The following BHMT2 variants were observed in gnomAD, a reference collection of about 807,000 sequenced individuals.
BHMT2 encodes S-methylmethionine--homocysteine S-methyltransferase BHMT2.
BHMT2 carries 28 observed loss-of-function variants against 39.0 expected under a neutral mutation model. The observed-to-expected ratio is 0.72, with a 90% CI of 0.53 to 0.98. The LOEUF (loss-of-function observed/expected upper bound fraction) is 0.98, where lower values mean the gene tolerates loss of function less well. BHMT2 is among the 50% of genes least tolerant of loss of function. The probability of loss-of-function intolerance (pLI) is 0.00; values close to 1 mark genes in which losing one functional copy is unlikely to be tolerated. For missense variants in BHMT2, 410 were observed against 455.6 expected (o/e 0.90, Z 0.91); for synonymous variants, 145 against 160.6 (o/e 0.90, Z 0.74).
intron 3 of BHMT2, among the ~76,000 whole-genome samples, chr5:79,080,325 C>T (rs189055354): frequency 3.3e-5 from 5 of 152,282 alleles, no homozygotes; most frequent in East Asian, 1.9e-4. Flanking sequence ...AATGTTAATA[C>T]GTGTAAATGT....
At chr5:79,081,335 C>G (rs1415446319) in intron 4 of BHMT2, among the ~76,000 whole-genome samples, 1 of 152,204 alleles carries the variant, frequency 6.6e-6, no homozygotes, top group Non-Finnish European at 1.5e-5. Flanking sequence ...GTTTCCATAG[C>G]CTTCTCCATC....
rs746316186 is a variant in BHMT2, at chr5:79,083,303, T to C, written c.710T>C (p.Val237Ala). 6.2e-7 allele frequency: 1 copy of C among 1,613,702 alleles called. No homozygotes were observed. The highest frequency in any genetic ancestry group is 1.1e-5 in the South Asian group (1 of 91,010). The change falls in exon 6 of 8, where the codon GTG becomes GCG. Residue 237 changes from valine (V) to alanine (A), a missense_variant. Physicochemically the swap from Val to Ala is moderately conservative, Grantham distance 64. Coordinates refer to ENST00000255192, the MANE Select transcript of BHMT2 (RefSeq NM_017614.5). ...GCAGGGCTGAAAGCGCACCTCATGGTGCAGCCTCTGGGGTTCCACGCGCCT... is the reference window on the plus strand; with the variant it reads ...GCAGGGCTGAAAGCGCACCTCATGGCGCAGCCTCTGGGGTTCCACGCGCCT... ...EWAGLKAHLM[V>A]QPLGFHAPDC...
chr5:79,077,642 C>A, intron 2 of BHMT2, 30 bp downstream of exon 2: 1 of 1,586,776 alleles, frequency 6.3e-7, no homozygotes, highest in Non-Finnish European at 8.6e-7. Flanking sequence ...AGAGTGTCTA[C>A]CTGAGTGGTA....
intron 7 of BHMT2, 34 bp from the exon 8 acceptor site, chr5:79,088,459 T>C (rs1755948975): frequency 6.4e-7 from 1 of 1,567,382 alleles, no homozygotes; most frequent in African/African-American, 1.4e-5. Context: ...GGTAAGACTT[T>C]TAATTAATTA....
At chr5:79,071,822 TAAAA>T (rs60114073) in intron 1 of BHMT2, among the ~76,000 whole-genome samples, 42 of 103,514 alleles carry the variant, frequency 4.1e-4, no homozygotes, top group Admixed American at 2.2e-3. Flanking sequence ...AACTTAAAAG[TAAAA>T]AAAAAAAAAA....
rs1470159578 is a variant in BHMT2 at position 79,089,590 on chromosome 5, T to G, written c.*1016T>G. 2 of 152,236 alleles carry G rather than the reference T, an allele frequency of 1.3e-5. No homozygotes were observed. The highest frequency in any genetic ancestry group is 2.9e-5 in the Non-Finnish European group (2 of 68,034). 9.4% of individuals were successfully genotyped at this position (152,236 alleles called of 1,614,324 possible). On this transcript the variant is annotated 3_prime_UTR_variant, in exon 8 of 8. Transcript: ENST00000255192. Reference sequence around the variant, plus strand: ...TTCTCATAATTCCCCTTACTTAGCATTGTGTTAGACATACTAATAGGTGCA... The same window carrying G: ...TTCTCATAATTCCCCTTACTTAGCAGTGTGTTAGACATACTAATAGGTGCA...
In BHMT2 at chr5:79,083,355, T is replaced by C; in HGVS notation, c.762T>C (p.Asp254=). The C allele has an allele frequency of 3.1e-6, 5 of 1,601,462 alleles. No homozygotes were observed. The highest frequency in any genetic ancestry group is 4.3e-6 in the Non-Finnish European group (5 of 1,172,922). ...ACTGTGGCAAAGAGGGGTTTGTGGA[T>C]CTCCCAGAATATCCCTTTGGTAAGC... ...APDCGKEGFV[D]LPEYPFGLES... is the part of the protein sequence containing the mutation. The change falls in exon 6 of 8, where the codon GAT becomes GAC. Residue 254 remains aspartate (D), a synonymous_variant. Transcript: ENST00000255192.
intron 2 of BHMT2, among the ~76,000 whole-genome samples, chr5:79,078,576 T>C (rs924684437): frequency 6.6e-6 from 1 of 152,214 alleles, no homozygotes; most frequent in Non-Finnish European, 1.5e-5. Flanking sequence ...AGGATCCATA[T>C]CTTAATCTGT....
At chr5:79,082,657 C>T in intron 4 of BHMT2, 152 bp from the exon 5 acceptor site, 1 of 770,324 alleles carries the variant, frequency 1.3e-6, no homozygotes, top group African/African-American at 1.8e-5. Context: ...ATTCTTTAGT[C>T]AGTCTGATAG....
rs1422524481 is a variant in BHMT2, at chr5:79,089,467, G to T, written c.*893G>T. The T allele has an allele frequency of 4.1e-5, 6 of 145,676 alleles. No homozygotes were observed. Among genetic ancestry groups the T allele is most frequent in the African/African-American group, 1.3e-4 (5 of 37,782 alleles). The allele number at this position is 145,676 out of a possible 1,614,324, so 9.0% of individuals were successfully genotyped here. ...CTCCATCTCAAAAAAAAAAAAAAAA[G>T]ATATTAGGTCCTAGAATTTTTAAAA... is the stretch of plus-strand genomic sequence containing the variant. On this transcript the variant is annotated 3_prime_UTR_variant, in exon 8 of 8. Coordinates refer to ENST00000255192, the MANE Select transcript of BHMT2 (RefSeq NM_017614.5).
chr5:79,079,268 G>A, intron 2 of BHMT2, 101 bp from the exon 3 acceptor site: 2 of 785,100 alleles, frequency 2.5e-6, no homozygotes, highest in Non-Finnish European at 4.2e-6. Context: ...ATGATTGAAA[G>A]AGATGGGAGT....
intron 7 of BHMT2, among the ~76,000 whole-genome samples, chr5:79,084,894 A>G (rs1008379001): frequency 1.6e-4 from 24 of 152,084 alleles, no homozygotes; most frequent in Non-Finnish European, 2.2e-4. Context: ...TATCTTTTTA[A>G]GTTAAAATTA....
In BHMT2 at chr5:79,083,803, C is replaced by T. The variant is rs140286658; in HGVS notation, c.957C>T (p.His319=). ...RGFLPPASEK[H]GSWGSGLDMH... Reference sequence around the variant, plus strand: ...TTTTGCCACCAGCTTCAGAAAAACACGGCAGCTGGGGAAGTGGTTTGGACA... The same window carrying T: ...TTTTGCCACCAGCTTCAGAAAAACATGGCAGCTGGGGAAGTGGTTTGGACA... The change falls in exon 7 of 8, where the codon CAC becomes CAT. Residue 319 remains histidine, a synonymous_variant. Coordinates refer to ENST00000255192, the MANE Select transcript of BHMT2 (RefSeq NM_017614.5). 5.7e-5 allele frequency: 92 copies of T among 1,614,102 alleles called. No homozygotes were observed. The highest frequency in any genetic ancestry group is 2.9e-4 in the African/African-American group (22 of 75,020).
At position 79,080,888 on chromosome 5, in the gene BHMT2, G is replaced by T. The variant is rs1229522622; in HGVS notation, c.450+10G>T. The T allele has an allele frequency of 6.4e-7, 1 of 1,559,822 alleles. No individual in the cohort carries two copies. The highest frequency in any genetic ancestry group is 2.3e-5 in the East Asian group (1 of 42,866). On this transcript the variant is annotated intron_variant, in intron 4 of 7. Coordinates refer to ENST00000255192, the MANE Select transcript of BHMT2 (RefSeq NM_017614.5). ...CTTCTTGATTGCAGAGGTGAGGCTA[G>T]TATTGGAGGAAAAGGATTGAACCTA...
Position 79,088,773 on chromosome 5 carries a change from G to T in BHMT2, c.*199G>T. 2.1e-6 allele frequency: 1 copy of T among 484,672 alleles called. No homozygotes were observed. The highest frequency in any genetic ancestry group is 3.8e-6 in the Non-Finnish European group (1 of 264,512). 30.0% of individuals were successfully genotyped at this position (484,672 alleles called of 1,614,324 possible). ...CCTGCTGTGGTTAAGCACTGCAACA[G>T]ACTCTACCAGAGATGCAAAGAGAAG... On this transcript the variant is annotated 3_prime_UTR_variant, in exon 8 of 8. Coordinates refer to ENST00000255192, the MANE Select transcript of BHMT2 (RefSeq NM_017614.5).
In BHMT2 at chr5:79,083,862, C is replaced by A. The variant is rs765823348; in HGVS notation, c.1010+6C>A. On this transcript the variant is annotated splice_donor_region_variant and intron_variant, in intron 7 of 7. Transcript: ENST00000255192. ...AAACCCTGGATTAGAGCAAGGTAAGCATTTTTAAATTAACATTCTTATTAT... is the reference window on the plus strand; with the variant it reads ...AAACCCTGGATTAGAGCAAGGTAAGAATTTTTAAATTAACATTCTTATTAT... 8 of 1,607,214 alleles carry A rather than the reference C, an allele frequency of 5.0e-6. No homozygotes were observed. The highest frequency in any genetic ancestry group is 5.9e-6 in the Non-Finnish European group (7 of 1,176,538).
chr5:79,082,673 C>T, intron 4 of BHMT2, 136 bp from the exon 5 acceptor site: 2 of 973,370 alleles, frequency 2.1e-6, no homozygotes, highest in South Asian at 1.7e-5. Context: ...GATAGACACA[C>T]ATTCCTTAGC....
At chr5:79,077,429 A>G (rs780638502) in intron 1 of BHMT2, 51 bp from the exon 2 acceptor site, 1 of 327,106 alleles carries the variant, frequency 3.1e-6, no homozygotes, top group Non-Finnish European at 4.5e-6. Flanking sequence ...TGCTTTTAGG[A>G]AAAAAAAAAA....
Position 79,083,905 on chromosome 5 carries a change from T to G in BHMT2, c.1010+49T>G, listed in dbSNP as rs781445075. The G allele has an allele frequency of 1.0e-5, 16 of 1,547,246 alleles. No homozygotes were observed. The African/African-American group carries it at 1.4e-4, about 13-fold the overall frequency. ...CTTATTATTTTCCTTTAATCTCATT[T>G]TATTTATTGTTGTAAATGTCATGCA... On this transcript the variant is annotated intron_variant, in intron 7 of 7. Transcript: ENST00000255192.
Sources: allele counts gnomAD v4.1 joint callset (sites outside exome capture counted in the v4.1 genomes callset), GRCh38; gene constraint gnomAD v4.1.1; transcripts MANE v1.5; gene names NCBI Gene and HGNC (gene_info 2026-07-23, HGNC 2026-07-21).